Variants in CDH23 observed in about 807,000 individuals in gnomAD.
CDH23 encodes cadherin-23.
A neutral mutation model predicts 317.1 loss-of-function variants in CDH23; 189 were observed. That is an observed-to-expected ratio of 0.60 (90% CI 0.53 to 0.67). The LOEUF is 0.67. CDH23 is among the 30% of genes least tolerant of loss of function. The pLI, the probability that CDH23 is intolerant of heterozygous loss-of-function variation, is 0.00. For missense variants in CDH23, 4,401 were observed against 4,592.4 expected (o/e 0.96, Z 1.20); for synonymous variants, 1,839 against 1,876.8 (o/e 0.98, Z 0.52).
intron 6 of CDH23, among the ~76,000 whole-genome samples, chr10:71,528,732 G>T (rs1241364985): frequency 2.0e-5 from 3 of 152,204 alleles, no homozygotes; most frequent in Non-Finnish European, 4.4e-5. Context: ...CCAGAACCCT[G>T]TTCCCCACCC....
At chr10:71,591,983 G>A (rs769699120) in intron 9 of CDH23, among the ~76,000 whole-genome samples, 3 of 152,152 alleles carry the variant, frequency 2.0e-5, no homozygotes, top group Non-Finnish European at 4.4e-5. Flanking sequence ...AAGGCTTAGA[G>A]GGAGGACCAA....
At chr10:71,739,571 G>C in intron 35 of CDH23, 73 bp from the exon 36 acceptor site, 1 of 1,548,516 alleles carries the variant, frequency 6.5e-7, no homozygotes, top group Non-Finnish European at 8.8e-7. Flanking sequence ...GAGGACCAGG[G>C]AGTCCCCCTT....
At chr10:71,645,577 G>C in intron 12 of CDH23, 1 of 680,958 alleles carries the variant, frequency 1.5e-6, no homozygotes, top group Non-Finnish European at 2.7e-6. Context: ...CCACCTGAAG[G>C]GGACACTGTG....
At chr10:71,465,475 C>T (rs1194520348) in intron 3 of CDH23, among the ~76,000 whole-genome samples, 1 of 152,358 alleles carries the variant, frequency 6.6e-6, no homozygotes, top group East Asian at 1.9e-4. Flanking sequence ...CGAGAGACTC[C>T]TCGAGTGGCC....
chr10:71,765,711 C>T (rs1461738312), intron 38 of CDH23, among the ~76,000 whole-genome samples: 2 of 152,080 alleles, frequency 1.3e-5, no homozygotes, highest in African/African-American at 4.8e-5. Context: ...TGCTCAATCC[C>T]CCACACCTCC....
chr10:71,724,213 G>A lies in CDH23; in HGVS notation c.3430+108G>A, dbSNP rs1866704207. ...AGATGAGGCCAAGAGAACCCCCAGG[G>A]CCATATACATGGGGCGAGGCCAGAG... On this transcript the variant is annotated intron_variant, in intron 29 of 69. Coordinates refer to ENST00000224721, the MANE Select transcript of CDH23 (RefSeq NM_022124.6). The A allele has an allele frequency of 7.5e-6, 9 of 1,197,662 alleles. 1 individual carries two copies. In the South Asian group the frequency reaches 1.2e-4, roughly 16 times the overall value. 74.2% of individuals were successfully genotyped at this position (1,197,662 alleles called of 1,614,324 possible).
At chr10:71,535,301 A>G (rs1200609408) in intron 6 of CDH23, among the ~76,000 whole-genome samples, 1 of 152,018 alleles carries the variant, frequency 6.6e-6, no homozygotes, top group Non-Finnish European at 1.5e-5. Flanking sequence ...TCAGGTCTCC[A>G]TGTTCTACCG....
intron 3 of CDH23, among the ~76,000 whole-genome samples, chr10:71,447,268 G>A (rs747511904): frequency 9.9e-5 from 15 of 151,992 alleles, no homozygotes; most frequent in Non-Finnish European, 1.6e-4. Context: ...GGAGTGGGGC[G>A]GGGTATCAAG....
intron 3 of CDH23, among the ~76,000 whole-genome samples, chr10:71,447,856 C>T (rs531681842): frequency 6.6e-6 from 1 of 152,322 alleles, no homozygotes; most frequent in South Asian, 2.1e-4. Context: ...ACCTGTGACT[C>T]CTCTCTCCAC....
rs2132929734 is a variant in CDH23 at position 71,779,373 on chromosome 10, C to G, written c.5294C>G (p.Thr1765Ser). Residue 1765 changes from threonine (T) to serine (S), a missense_variant, in exon 41 of 70, where the codon ACC (threonine) becomes AGC (serine). Physicochemically the swap from Thr to Ser is moderately conservative, Grantham distance 58 (BLOSUM62 1). Around this residue, in one of 3 missense-constraint regions of CDH23, gnomAD observed 3,068 missense variants for 3,203.3 expected, o/e 0.96. Transcript: ENST00000224721. ...GGCCAGCCGGGGCCCAGAGTGTGGA[C>G]CTTCCTGGCCCATGACCGAGACTCA... is the stretch of plus-strand genomic sequence containing the variant. The part of the protein sequence containing the change: ...TEGQPGPRVW[T>S]FLAHDRDSGP... 6.2e-7 allele frequency: 1 copy of G among 1,613,920 alleles called. No individual in the cohort carries two copies. Among genetic ancestry groups the G allele is most frequent in the Non-Finnish European group, 8.5e-7 (1 of 1,179,870 alleles).
At chr10:71,547,852 T>A (rs1856369578) in intron 6 of CDH23, among the ~76,000 whole-genome samples, 1 of 152,190 alleles carries the variant, frequency 6.6e-6, no homozygotes, top group Admixed American at 6.5e-5. Context: ...GGACGGTGGC[T>A]TGTTTGGGAC....
chr10:71,536,370 C>G (rs1382892722), intron 6 of CDH23, among the ~76,000 whole-genome samples: 1 of 152,074 alleles, frequency 6.6e-6, no homozygotes, highest in Non-Finnish European at 1.5e-5. Context: ...TTCAATGGAG[C>G]CAGAGAAGGC....
chr10:71,545,203 G>T (rs752707938), intron 6 of CDH23, among the ~76,000 whole-genome samples: 16 of 152,330 alleles, frequency 1.1e-4, no homozygotes, highest in South Asian at 4.1e-4. Flanking sequence ...AAGAGGGAAA[G>T]AAGACTGCAG....
At chr10:71,432,604 G>A (rs1458712261) in intron 1 of CDH23, among the ~76,000 whole-genome samples, 1 of 152,162 alleles carries the variant, frequency 6.6e-6, no homozygotes, top group African/African-American at 2.4e-5. Flanking sequence ...CCTGGGGAAA[G>A]GAGAACCCTC....
intron 14 of CDH23, among the ~76,000 whole-genome samples, chr10:71,656,942 G>T (rs949496707): frequency 1.3e-5 from 2 of 152,188 alleles, no homozygotes; most frequent in Non-Finnish European, 2.9e-5. Flanking sequence ...GGGGACCAGG[G>T]TGGAAGCTGG....
rs577559462 is a variant in CDH23 at position 71,803,200 on chromosome 10, C to A, written c.7661-9C>A. The A allele has an allele frequency of 1.2e-6, 2 of 1,608,722 alleles. No homozygotes were observed. The highest frequency in any genetic ancestry group is 1.3e-5 in the African/African-American group (1 of 74,908). On this transcript the variant is annotated splice_polypyrimidine_tract_variant and intron_variant, in intron 54 of 69. Transcript: ENST00000224721. Reference sequence around the variant, plus strand: ...TCAACCAGAGCTACTCTCCTGCTCCCACTGCCAGAGGCCTTCCATGTGGAC... The same window carrying A: ...TCAACCAGAGCTACTCTCCTGCTCCAACTGCCAGAGGCCTTCCATGTGGAC...
chr10:71,773,501 C>G (rs1403591259), intron 38 of CDH23: 1 of 1,500,506 alleles, frequency 6.7e-7, no homozygotes, highest in African/African-American at 1.4e-5. Flanking sequence ...GCGGCCGGCG[C>G]GGGGAAGCCT....
rs116843456 is a variant in CDH23, at chr10:71,685,685, C to T, written c.1987-1962C>T. 2.0e-5 allele frequency among the ~76,000 whole-genome samples: 3 copies of T among 152,332 alleles called. No homozygotes were observed. In the East Asian group the frequency reaches 5.8e-4, roughly 29 times the overall value. On this transcript the variant is annotated intron_variant, in intron 18 of 69. Transcript: ENST00000224721. ...GGGCCCTGCACTTCCCTTCCGAGTA[C>T]ACCCTGGCCCTGGGGCAGCCGGAGA... is the stretch of plus-strand genomic sequence containing the variant.
At chr10:71,405,451 T>TTTTA (rs1848053001) in intron 1 of CDH23, among the ~76,000 whole-genome samples, 1 of 146,114 alleles carries the variant, frequency 6.8e-6, no homozygotes, top group African/African-American at 2.6e-5. Context: ...TTTTTTTTTT[T>TTTTA]GAGACAGTGT....
Sources: allele counts gnomAD v4.1 joint callset (sites outside exome capture counted in the v4.1 genomes callset), GRCh38; gene constraint gnomAD v4.1.1; regional missense constraint gnomAD v4.1.1; transcripts MANE v1.5; gene names NCBI Gene and HGNC (gene_info 2026-07-23, HGNC 2026-07-21).